The following LHFPL1 variants were observed in gnomAD, a reference collection of about 807,000 sequenced individuals.
LHFPL1 encodes LHFPL tetraspan subfamily member 1, also known as LHFPL tetraspan subfamily member 1 protein.
Under a neutral mutation model 12.1 loss-of-function variants are expected in LHFPL1, and 4 were observed. The observed-to-expected ratio is 0.33, with a 90% CI of 0.16 to 0.76. The LOEUF is 0.76. LHFPL1 is among the 30% of genes least tolerant of loss of function. The pLI, the probability that LHFPL1 is intolerant of heterozygous loss-of-function variation, is 0.61. For missense variants in LHFPL1, 141 were observed against 174.1 expected (o/e 0.81, Z 1.07); for synonymous variants, 52 against 61.9 (o/e 0.84, Z 0.75).
Position 112,671,109 on chromosome X carries a change from C to G in LHFPL1, c.282G>C (p.Leu94=). The change falls in exon 2 of 4, where the codon CTG becomes CTC. Residue 94 remains leucine (L), a synonymous_variant. Transcript: ENST00000371968. ...CTVVTGAGCA[L]LLLVALAAVL... ...CAGCAGCTAGTGCCACCAGGAGCAGCAGAGCACAGCCGGCACCTGTCACCA... is the reference window on the plus strand; with the variant it reads ...CAGCAGCTAGTGCCACCAGGAGCAGGAGAGCACAGCCGGCACCTGTCACCA... The G allele has an allele frequency of 8.3e-7, 1 of 1,212,014 alleles. No individual in the cohort carries two copies. The highest frequency in any genetic ancestry group is 1.1e-6 in the Non-Finnish European group (1 of 895,442).
intron 1 of LHFPL1, among the ~76,000 whole-genome samples, chrX:112,674,988 G>C (rs998308872): frequency 2.7e-5 from 3 of 111,836 alleles, no homozygotes; most frequent in Admixed American, 9.5e-5. Context: ...GATGAGATTG[G>C]AGACTATTAT....
intron 3 of LHFPL1, among the ~76,000 whole-genome samples, chrX:112,639,771 G>T (rs1930449013): frequency 8.9e-6 from 1 of 112,037 alleles, no homozygotes; most frequent in South Asian, 3.7e-4. Context: ...AAGTTAAATT[G>T]TGCTTCTAGG....
intron 2 of LHFPL1, among the ~76,000 whole-genome samples, chrX:112,664,824 C>T (rs756601790): frequency 8.9e-6 from 1 of 112,037 alleles, no homozygotes; most frequent in African/African-American, 3.2e-5. Flanking sequence ...CTTCAAGTAG[C>T]AACAGGGAAG....
intron 2 of LHFPL1, among the ~76,000 whole-genome samples, chrX:112,669,665 T>C (rs1931435535): frequency 1.8e-5 from 2 of 112,194 alleles, no homozygotes; most frequent in South Asian, 7.5e-4. Flanking sequence ...CTTAGAACTA[T>C]TGACATTTTG....
chrX:112,657,622 A>T (rs55682224), intron 3 of LHFPL1, among the ~76,000 whole-genome samples: 11,390 of 111,639 alleles, frequency 0.1, 1,442 homozygotes, highest in African/African-American at 0.35. Flanking sequence ...CCAGATATAA[A>T]CCCTTACATT....
intron 1 of LHFPL1, among the ~76,000 whole-genome samples, chrX:112,673,541 G>A (rs1026854817): frequency 8.9e-6 from 1 of 111,805 alleles, no homozygotes; most frequent in Non-Finnish European, 1.9e-5. Context: ...CAGGCCAGAG[G>A]AGGAGAGGAA....
chrX:112,646,244 T>G (rs1930682474), intron 3 of LHFPL1, among the ~76,000 whole-genome samples: 1 of 101,481 alleles, frequency 9.9e-6, no homozygotes, highest in Admixed American at 1.1e-4. Flanking sequence ...ACCAAGGGAG[T>G]CCCGGGACAG....
chrX:112,639,339 C>T, intron 3 of LHFPL1, among the ~76,000 whole-genome samples: 1 of 111,502 alleles, frequency 9.0e-6, no homozygotes. Flanking sequence ...AAAAAACAAC[C>T]CACTGAAAAC....
chrX:112,633,108 AT>A (rs200509152), intron 3 of LHFPL1, among the ~76,000 whole-genome samples: 1 of 111,864 alleles, frequency 8.9e-6, no homozygotes, highest in Non-Finnish European at 1.9e-5. Flanking sequence ...TACATTTCAC[AT>A]TTTTTTATCT....
chrX:112,656,491 A>G (rs1464216610), intron 3 of LHFPL1, among the ~76,000 whole-genome samples: 1 of 111,835 alleles, frequency 8.9e-6, no homozygotes, highest in Non-Finnish European at 1.9e-5. Flanking sequence ...GTTCTATTCA[A>G]CATTGTCCTG....
intron 3 of LHFPL1, among the ~76,000 whole-genome samples, chrX:112,658,178 TC>T (rs1319050991): frequency 9.0e-6 from 1 of 110,608 alleles, no homozygotes; most frequent in Non-Finnish European, 1.9e-5. Context: ...GTAATCCCAG[TC>T]CTTTGGAAGC....
chrX:112,661,361 T>C (rs1212709331), intron 2 of LHFPL1, among the ~76,000 whole-genome samples: 1 of 111,888 alleles, frequency 8.9e-6, no homozygotes, highest in Non-Finnish European at 1.9e-5. Flanking sequence ...TGTTGTACCT[T>C]AGTGATAATC....
Position 112,632,340 on chromosome X carries a change from C to T in LHFPL1, c.482-739G>A, listed in dbSNP as rs1457181463. 8.9e-5 allele frequency among the ~76,000 whole-genome samples: 10 copies of T among 111,793 alleles called. No homozygotes were observed. In the Admixed American group the frequency reaches 9.5e-4, roughly 11 times the overall value. The stretch of plus-strand genomic sequence containing the variant: ...AGGTCACCTGCTCAAAAACATCCAC[C>T]CCGCCACCTGCTATTCCATCAGAGA... On this transcript the variant is annotated intron_variant, in intron 3 of 3. Transcript: ENST00000371968.
Position 112,651,273 on chromosome X carries a change from C to T in LHFPL1, c.481+9354G>A, listed in dbSNP as rs1940425534. On this transcript the variant is annotated intron_variant, in intron 3 of 3. Transcript: ENST00000371968. ...TGATAAGATGAAGATAATGACAGCA[C>T]CTATTTCACTTGGTTGCTGTGAAAA... Among the ~76,000 whole-genome samples the T allele has an allele frequency of 4.5e-5, 5 of 112,097 alleles. No individual in the cohort carries two copies. The South Asian group carries it at 1.9e-3, about 42-fold the overall frequency.
chrX:112,649,671 T>C (rs1055748942), intron 3 of LHFPL1, among the ~76,000 whole-genome samples: 2 of 112,265 alleles, frequency 1.8e-5, no homozygotes, highest in African/African-American at 3.2e-5. Context: ...TGAATGACAG[T>C]TTTTCTGGGT....
chrX:112,659,098 C>T (rs1043433365), intron 3 of LHFPL1, among the ~76,000 whole-genome samples: 1 of 111,717 alleles, frequency 9.0e-6, no homozygotes, highest in Non-Finnish European at 1.9e-5. Context: ...ACAGTGGTTA[C>T]CAGCAGCTGG....
intron 3 of LHFPL1, among the ~76,000 whole-genome samples, chrX:112,639,276 A>G (rs919121162): frequency 1.8e-5 from 2 of 109,188 alleles, no homozygotes; most frequent in African/African-American, 6.7e-5. Context: ...GAGGCCCAGA[A>G]CCTACTGAAG....
At chrX:112,656,394 A>C (rs956543518) in intron 3 of LHFPL1, among the ~76,000 whole-genome samples, 2 of 111,514 alleles carry the variant, frequency 1.8e-5, no homozygotes, top group African/African-American at 6.5e-5. Flanking sequence ...TCTATTAAAA[A>C]AAAAACATAG....
At chrX:112,654,730 CACAT>C (rs1210229725) in intron 3 of LHFPL1, among the ~76,000 whole-genome samples, 8 of 110,641 alleles carry the variant, frequency 7.2e-5, no homozygotes, top group African/African-American at 2.6e-4. Context: ...TTTATTTTGT[CACAT>C]ACATGAATTA....
Sources: gnomAD v4.1 joint callset for allele counts (sites outside exome capture counted in the v4.1 genomes callset) on GRCh38, gnomAD v4.1.1 for gene constraint, MANE v1.5 for transcripts, NCBI Gene and HGNC (gene_info 2026-07-23, HGNC 2026-07-21) for gene names.